AGO3: variants seen among roughly 807,000 people sequenced by gnomAD.
AGO3 encodes protein argonaute-3.
AGO3 carries 16 observed loss-of-function variants against 105.5 expected under a neutral mutation model. That is an observed-to-expected ratio of 0.15 (90% CI 0.10 to 0.23). The LOEUF is 0.23. Among genes scored for constraint, AGO3 ranks in the 10% least tolerant of loss-of-function variants. The pLI, the probability that AGO3 is intolerant of heterozygous loss-of-function variation, is 1.00. For synonymous variants in AGO3, 340 were observed against 367.3 expected (o/e 0.93, Z 0.85); for missense variants, 534 against 1,088.0 (o/e 0.49, Z 7.16).
In AGO3 at chr1:36,065,392, G is replaced by C. The variant is rs544137347; in HGVS notation, c.*9647G>C. The C allele has an allele frequency of 6.6e-6, 1 of 152,038 alleles. No individual in the cohort carries two copies. Among genetic ancestry groups the C allele is most frequent in the Non-Finnish European group, 1.5e-5 (1 of 68,052 alleles). 9.4% of individuals were successfully genotyped at this position (152,038 alleles called of 1,614,324 possible). A position where few individuals can be genotyped will look rare whatever the true frequency, so the allele number is the denominator to read the frequency against. On this transcript the variant is annotated 3_prime_UTR_variant, in exon 19 of 19. Transcript: ENST00000373191. ...TGGGAGGCCGAGGTGGGCGGATCAC[G>C]AGGTCAAGAGATGGAGACCATCCTG...
In AGO3 at chr1:36,068,934, C is replaced by T. The variant is rs946972516; in HGVS notation, c.*13189C>T. 16 of 152,172 alleles carry T rather than the reference C, an allele frequency of 1.1e-4. No homozygotes were observed. The highest frequency in any genetic ancestry group is 1.9e-4 in the Non-Finnish European group (13 of 68,040). The allele number at this position is 152,172 out of a possible 1,614,324, so 9.4% of individuals were successfully genotyped here. A position where few individuals can be genotyped will look rare whatever the true frequency, so the allele number is the denominator to read the frequency against. On this transcript the variant is annotated 3_prime_UTR_variant, in exon 19 of 19. Transcript: ENST00000373191. ...AAAAAGCCTATTGAGAATTTATTGC[C>T]TTTGAGAGTAGAAAGGGCTCTAGAA...
intron 2 of AGO3, among the ~76,000 whole-genome samples, chr1:35,947,265 T>C (rs1646384133): frequency 6.6e-6 from 1 of 151,998 alleles, no homozygotes; most frequent in Non-Finnish European, 1.5e-5. Context: ...TTTTTTAACA[T>C]GTTATCAGAT....
At position 36,027,868 on chromosome 1, in the gene AGO3, A is replaced by T. The variant is rs937618198; in HGVS notation, c.1591+570A>T. ...ATTATTGAATAAAAATGGCATTGAG[A>T]TAATTTGAGTATCAGTATAATGTAG... On this transcript the variant is annotated intron_variant, in intron 12 of 18. Transcript: ENST00000373191. This position sits in a 1 kb window ranked among gnomAD's most constrained non-coding sequence, Gnocchi z 4.0. 3.3e-5 allele frequency among the ~76,000 whole-genome samples: 5 copies of T among 152,202 alleles called. No individual in the cohort carries two copies. Among genetic ancestry groups the T allele is most frequent in the African/African-American group, 9.7e-5 (4 of 41,444 alleles).
At chr1:36,053,842 T>C (rs1331834350) in intron 17 of AGO3, among the ~76,000 whole-genome samples, 3 of 142,520 alleles carry the variant, frequency 2.1e-5, no homozygotes, top group Non-Finnish European at 4.5e-5. Context: ...TCCAACTCCC[T>C]GGTTCAAGCG....
Position 36,059,087 on chromosome 1 carries a change from C to A in AGO3, c.*3342C>A, listed in dbSNP as rs1040538680. 1 of 152,006 alleles carries A rather than the reference C, an allele frequency of 6.6e-6. No homozygotes were observed. Among genetic ancestry groups the A allele is most frequent in the Non-Finnish European group, 1.5e-5 (1 of 67,994 alleles). The allele number at this position is 152,006 out of a possible 1,614,324, so 9.4% of individuals were successfully genotyped here. On this transcript the variant is annotated 3_prime_UTR_variant, in exon 19 of 19. Coordinates refer to ENST00000373191, the MANE Select transcript of AGO3 (RefSeq NM_024852.4). ...CTAGAGTGGAGCCCTTAATTTAAAT[C>A]TATTTGGAAGGACTTTTTTAAGAGG...
rs546803175 is a variant in AGO3, at chr1:35,997,114, C to G, written c.659-7227C>G. Among the ~76,000 whole-genome samples, 52 of 152,122 alleles carry G rather than the reference C, an allele frequency of 3.4e-4. 1 individual carries two copies. Among genetic ancestry groups the G allele is most frequent in the Middle Eastern group, 3.4e-3 (1 of 294 alleles). On this transcript the variant is annotated intron_variant, in intron 5 of 18. Coordinates refer to ENST00000373191, the MANE Select transcript of AGO3 (RefSeq NM_024852.4). The stretch of plus-strand genomic sequence containing the variant: ...CCAACATGGTGAAAACCTATCTCTA[C>G]TAAAAATAGAAAAAATTAGACGGGT...
intron 12 of AGO3, among the ~76,000 whole-genome samples, chr1:36,030,218 C>T (rs1479862722): frequency 6.6e-6 from 1 of 151,878 alleles, no homozygotes; most frequent in African/African-American, 2.4e-5. Flanking sequence ...AAGAAAAATA[C>T]AGGCCAGATG....
In AGO3 at chr1:35,984,865, G is replaced by A. The variant is rs112376090; in HGVS notation, c.658+11354G>A. ...ACAAGTATAATGAGATCAAGAGTTT[G>A]GATTGAAAATGAGGTACTCAGGAAT... On this transcript the variant is annotated intron_variant, in intron 5 of 18. Transcript: ENST00000373191. Among the ~76,000 whole-genome samples the A allele has an allele frequency of 3.2e-3, 485 of 152,220 alleles. 1 individual carries two copies. The highest frequency in any genetic ancestry group is 5.8e-3 in the Non-Finnish European group (393 of 68,014).
chr1:36,006,689 G>A (rs1008347062), intron 6 of AGO3, among the ~76,000 whole-genome samples: 1 of 151,964 alleles, frequency 6.6e-6, no homozygotes, highest in African/African-American at 2.4e-5. Flanking sequence ...TAAAGACATA[G>A]TAATTCTCTA....
chr1:35,972,930 C>T (rs1174099743), intron 4 of AGO3, among the ~76,000 whole-genome samples: 2 of 145,760 alleles, frequency 1.4e-5, no homozygotes, highest in Admixed American at 7.1e-5. Context: ...CTCCTGGACT[C>T]AAGTAATCCT....
rs1643153412 is a variant in AGO3 at position 36,070,870 on chromosome 1, T to C, written c.*15125T>C. On this transcript the variant is annotated 3_prime_UTR_variant, in exon 19 of 19. Transcript: ENST00000373191. ...TAGCTTTAATGTCTCTTTTCAGTTATGGACCCATAAAAGTATTCCTATATC... is the reference window on the plus strand; with the variant it reads ...TAGCTTTAATGTCTCTTTTCAGTTACGGACCCATAAAAGTATTCCTATATC... 2 of 152,266 alleles carry C rather than the reference T, an allele frequency of 1.3e-5. No individual in the cohort carries two copies. The highest frequency in any genetic ancestry group is 2.9e-5 in the Non-Finnish European group (2 of 68,040). The allele number at this position is 152,266 out of a possible 1,614,324, so 9.4% of individuals were successfully genotyped here.
chr1:36,018,710 C>T (rs1192929396), intron 11 of AGO3, among the ~76,000 whole-genome samples: 2 of 152,084 alleles, frequency 1.3e-5, no homozygotes, highest in African/African-American at 2.4e-5. Context: ...GGATTACAGG[C>T]ATGAGCCACC....
intron 5 of AGO3, among the ~76,000 whole-genome samples, chr1:36,003,709 A>AAAAAATAT (rs1295618675): frequency 7.2e-4 from 72 of 99,424 alleles, no homozygotes; most frequent in Non-Finnish European, 9.8e-4. Context: ...AAAAAAAAAA[A>AAAAAATAT]ATATATATAT....
intron 1 of AGO3, among the ~76,000 whole-genome samples, chr1:35,943,877 A>G (rs770917184): frequency 1.5e-4 from 23 of 152,284 alleles, no homozygotes; most frequent in Non-Finnish European, 3.1e-4. Context: ...CTGGGATTAC[A>G]GGTGTGAGCC....
chr1:36,004,238 A>G, intron 5 of AGO3, 103 bp from the exon 6 acceptor site: 10 of 1,228,634 alleles, frequency 8.1e-6, no homozygotes, highest in Non-Finnish European at 1.1e-5. Context: ...ATGTGCATAA[A>G]GGATCATTTT....
rs755828440 is a variant in AGO3, at chr1:36,008,817, C to T, written c.881+40C>T. The T allele has an allele frequency of 1.9e-6, 3 of 1,613,786 alleles. No individual in the cohort carries two copies. The highest frequency in any genetic ancestry group is 2.5e-6 in the Non-Finnish European group (3 of 1,179,766). On this transcript the variant is annotated intron_variant, in intron 7 of 18. Coordinates refer to ENST00000373191, the MANE Select transcript of AGO3 (RefSeq NM_024852.4). This position sits in a 1 kb window ranked among gnomAD's most constrained non-coding sequence, Gnocchi z 5.1. ...TCAGAGCAGCGATGGTGTGAGGCAG[C>T]TTGCTCTAGTTAGTGGGGTTGGGAG...
chr1:36,042,678 G>T (rs1642299354), intron 16 of AGO3, among the ~76,000 whole-genome samples: 1 of 151,998 alleles, frequency 6.6e-6, no homozygotes, highest in African/African-American at 2.4e-5. Flanking sequence ...GGTGGAGGTG[G>T]GTATAATAAA....
At chr1:36,001,315 G>A (rs1028377931) in intron 5 of AGO3, among the ~76,000 whole-genome samples, 2 of 152,034 alleles carry the variant, frequency 1.3e-5, no homozygotes, top group Admixed American at 6.6e-5. Flanking sequence ...ATACACATAC[G>A]TACACAAACA....
Position 36,052,854 on chromosome 1 carries a change from A to T in AGO3, c.2275-2092A>T, listed in dbSNP as rs552055179. Among the ~76,000 whole-genome samples, 126 of 152,304 alleles carry T rather than the reference A, an allele frequency of 8.3e-4. 1 individual carries two copies. The highest frequency in any genetic ancestry group is 3.0e-3 in the African/African-American group (124 of 41,564). On this transcript the variant is annotated intron_variant, in intron 17 of 18. Coordinates refer to ENST00000373191, the MANE Select transcript of AGO3 (RefSeq NM_024852.4). ...TGGCAAAACCTCATCTCTATAAAAAATAAAAAAATTAGCTGGGTGTGGTGG... is the reference window on the plus strand; with the variant it reads ...TGGCAAAACCTCATCTCTATAAAAATTAAAAAAATTAGCTGGGTGTGGTGG...
Sources: gnomAD v4.1 joint callset for allele counts (sites outside exome capture counted in the v4.1 genomes callset) on GRCh38, gnomAD v4.1.1 for gene constraint, Gnocchi (gnomAD v3.1) non-coding constraint, MANE v1.5 for transcripts, NCBI Gene and HGNC (gene_info 2026-07-23, HGNC 2026-07-21) for gene names.